TMEM135: variants seen among roughly 807,000 people sequenced by gnomAD.
TMEM135 encodes the protein peroxisomal membrane protein 52.
A neutral mutation model predicts 60.3 loss-of-function variants in TMEM135; 30 were observed. The observed-to-expected ratio is 0.50, with a 90% CI of 0.37 to 0.68. The LOEUF (loss-of-function observed/expected upper bound fraction) is 0.68. Ranked by LOEUF, TMEM135 falls within the 30% of genes least tolerant of loss-of-function variation. TMEM135 has a pLI of 0.00. For missense variants in TMEM135, 468 were observed against 548.8 expected, an observed-to-expected ratio of 0.85 and a Z score of 1.47; for synonymous variants, 190 against 186.7, an observed-to-expected ratio of 1.02 and a Z score of -0.14.
intron 3 of TMEM135, among the ~76,000 whole-genome samples, chr11:87,084,053 A>T (rs1857046098): frequency 6.6e-6 from 1 of 152,100 alleles, no homozygotes; most frequent in African/African-American, 2.4e-5. Context: ...GCCTCTTGTG[A>T]AGTGTGATAT....
At chr11:87,228,082 A>G (rs1940804416) in intron 5 of TMEM135, among the ~76,000 whole-genome samples, 1 of 152,198 alleles carries the variant, frequency 6.6e-6, no homozygotes, top group Admixed American at 6.5e-5. Context: ...TAACAATATA[A>G]TCAGATGTTT....
intron 5 of TMEM135, among the ~76,000 whole-genome samples, chr11:87,184,649 A>G (rs1257705105): frequency 6.6e-6 from 1 of 152,052 alleles, no homozygotes; most frequent in Non-Finnish European, 1.5e-5. Flanking sequence ...TTTCCCTTAA[A>G]TAGTATTGTG....
chr11:87,067,222 G>A (rs950308210), intron 1 of TMEM135, among the ~76,000 whole-genome samples: 5 of 143,980 alleles, frequency 3.5e-5, no homozygotes, highest in South Asian at 2.1e-4. Flanking sequence ...TATATATGTA[G>A]TATATATATA....
At chr11:87,130,161 C>T (rs1399143902) in intron 4 of TMEM135, among the ~76,000 whole-genome samples, 6 of 117,368 alleles carry the variant, frequency 5.1e-5, no homozygotes, top group Admixed American at 4.0e-4. Context: ...GGTACCAGTT[C>T]CAGCATTTTT....
At chr11:87,118,469 G>C (rs1857949267) in intron 4 of TMEM135, among the ~76,000 whole-genome samples, 1 of 149,860 alleles carries the variant, frequency 6.7e-6, no homozygotes, top group African/African-American at 2.5e-5. Flanking sequence ...TCTTTTTTGA[G>C]ACGGTGTGTC....
At chr11:87,229,877 T>C (rs896551178) in intron 5 of TMEM135, among the ~76,000 whole-genome samples, 2 of 149,028 alleles carry the variant, frequency 1.3e-5, no homozygotes, top group African/African-American at 5.2e-5. Flanking sequence ...TCTGTTTGAA[T>C]TTTTGTTTTT....
At chr11:87,069,251 T>G (rs3100849) in intron 2 of TMEM135, among the ~76,000 whole-genome samples, 28 of 140,298 alleles carry the variant, frequency 2.0e-4, no homozygotes, top group African/African-American at 6.9e-4. Context: ...GCACCATGCA[T>G]TCCAGCCTGG....
intron 1 of TMEM135, among the ~76,000 whole-genome samples, chr11:87,049,776 G>A (rs1949825350): frequency 1.1e-5 from 1 of 93,846 alleles, no homozygotes; most frequent in South Asian, 3.6e-4. Flanking sequence ...AAGTCAACAA[G>A]GATACCCAGG....
At position 87,273,118 on chromosome 11, in the gene TMEM135, C is replaced by T. The variant is rs548802476; in HGVS notation, c.510-22664C>T. Among the ~76,000 whole-genome samples, 4 of 152,218 alleles carry T rather than the reference C, an allele frequency of 2.6e-5. No individual in the cohort carries two copies. In the East Asian group the frequency reaches 7.7e-4, roughly 29 times the overall value. On this transcript the variant is annotated intron_variant, in intron 6 of 14. Transcript: ENST00000305494. ...TTATTCCATCCAAAGCTTTGGACCTCTTTCTTCACTAGGGCTAGGATACTG... is the reference window on the plus strand; with the variant it reads ...TTATTCCATCCAAAGCTTTGGACCTTTTTCTTCACTAGGGCTAGGATACTG...
intron 12 of TMEM135, among the ~76,000 whole-genome samples, chr11:87,314,901 A>G (rs1942701073): frequency 6.6e-6 from 1 of 151,868 alleles, no homozygotes; most frequent in Admixed American, 6.6e-5. Flanking sequence ...TTCAGCATAA[A>G]GACTCCTTAA....
At chr11:87,077,033 GT>G (rs1284696824) in intron 3 of TMEM135, among the ~76,000 whole-genome samples, 1 of 152,184 alleles carries the variant, frequency 6.6e-6, no homozygotes, top group Non-Finnish European at 1.5e-5. Context: ...TGTCTATGCA[GT>G]TTGTTCCCAT....
intron 5 of TMEM135, among the ~76,000 whole-genome samples, chr11:87,166,486 G>A (rs935946102): frequency 8.6e-5 from 13 of 151,736 alleles, no homozygotes; most frequent in African/African-American, 3.2e-4. Context: ...TTTGTTTAAT[G>A]TATAAGGAAG....
intron 12 of TMEM135, among the ~76,000 whole-genome samples, chr11:87,314,952 C>T (rs1387621105): frequency 2.6e-5 from 4 of 151,808 alleles, no homozygotes; most frequent in Non-Finnish European, 5.9e-5. Context: ...AACAAATCAA[C>T]AATACCACAG....
intron 6 of TMEM135, among the ~76,000 whole-genome samples, chr11:87,263,751 C>T (rs1283843438): frequency 1.3e-5 from 2 of 151,918 alleles, no homozygotes; most frequent in African/African-American, 4.8e-5. Flanking sequence ...AGAAAATGAA[C>T]GTGAAAAATT....
intron 5 of TMEM135, among the ~76,000 whole-genome samples, chr11:87,158,584 C>T (rs1938769593): frequency 6.6e-6 from 1 of 151,682 alleles, no homozygotes; most frequent in African/African-American, 2.4e-5. Flanking sequence ...GCCTCAGCCT[C>T]CCAAGTAGCT....
chr11:87,320,035 C>T (rs998791839), intron 14 of TMEM135, among the ~76,000 whole-genome samples: 5 of 152,008 alleles, frequency 3.3e-5, no homozygotes, highest in South Asian at 2.1e-4. Context: ...CTTATAGTAG[C>T]GCTGGGTAAA....
intron 6 of TMEM135, among the ~76,000 whole-genome samples, chr11:87,248,987 T>G (rs1480266264): frequency 6.6e-6 from 1 of 152,200 alleles, no homozygotes; most frequent in Non-Finnish European, 1.5e-5. Context: ...AATTTGTTTA[T>G]TCTAATAGTT....
At chr11:87,176,653 G>A (rs1242261071) in intron 5 of TMEM135, among the ~76,000 whole-genome samples, 1 of 152,088 alleles carries the variant, frequency 6.6e-6, no homozygotes, top group Non-Finnish European at 1.5e-5. Flanking sequence ...TGAAGTCCAT[G>A]GGAAAGATTG....
chr11:87,313,640 A>G, intron 11 of TMEM135, 152 bp downstream of exon 11: 1 of 713,014 alleles, frequency 1.4e-6, no homozygotes, highest in South Asian at 1.8e-5. Context: ...ATACTTTGTG[A>G]TGTTTAACAT....
Sources: gnomAD v4.1 joint callset for allele counts (sites outside exome capture counted in the v4.1 genomes callset) on GRCh38, gnomAD v4.1.1 for gene constraint, MANE v1.5 for transcripts, NCBI Gene and HGNC (gene_info 2026-07-23, HGNC 2026-07-21) for gene names.